Variants in ZNF385D observed in about 807,000 individuals in gnomAD.
The protein encoded by ZNF385D is zinc finger protein 659.
A neutral mutation model predicts 35.8 loss-of-function variants in ZNF385D; 15 were observed. The observed-to-expected ratio is 0.42, with a 90% CI of 0.28 to 0.64. ZNF385D has a LOEUF of 0.64. Among genes scored for constraint, ZNF385D ranks in the 30% least tolerant of loss-of-function variants. The pLI, the probability that ZNF385D is intolerant of heterozygous loss-of-function variation, is 0.23. For missense variants in ZNF385D, 474 were observed against 494.6 expected (o/e 0.96, Z 0.39); for synonymous variants, 212 against 186.8 (o/e 1.13, Z -1.10).
At chr3:21,758,813 G>A (rs1416393578) in intron 3 of ZNF385D, among the ~76,000 whole-genome samples, 1 of 151,480 alleles carries the variant, frequency 6.6e-6, no homozygotes. Flanking sequence ...AGTTTTGTAT[G>A]AGGCAGAGGC....
At chr3:22,186,162 G>A (rs1284644973) in intron 2 of ZNF385D, among the ~76,000 whole-genome samples, 1 of 152,056 alleles carries the variant, frequency 6.6e-6, no homozygotes, top group Non-Finnish European at 1.5e-5. Flanking sequence ...AGAAAGTGAG[G>A]TTTTTCTTTA....
At chr3:22,327,402 C>CT (rs1479710278) in intron 2 of ZNF385D, among the ~76,000 whole-genome samples, 1 of 152,192 alleles carries the variant, frequency 6.6e-6, no homozygotes, top group Non-Finnish European at 1.5e-5. Flanking sequence ...GTCCTACACT[C>CT]TAAGTTCCAT....
intron 2 of ZNF385D, among the ~76,000 whole-genome samples, chr3:22,291,067 T>C (rs1702278070): frequency 6.6e-6 from 1 of 152,082 alleles, no homozygotes; most frequent in Non-Finnish European, 1.5e-5. Flanking sequence ...AAAGGCTCCA[T>C]CTAAAATACC....
intron 2 of ZNF385D, among the ~76,000 whole-genome samples, chr3:21,629,020 A>G (rs894356951): frequency 1.3e-5 from 2 of 152,042 alleles, no homozygotes; most frequent in Admixed American, 6.6e-5. Context: ...CCCTCTGGCA[A>G]CCAATACTGA....
rs1463585339 is a variant in ZNF385D at position 21,983,163 on chromosome 3, T to A, written c.325+185654A>T. Among the ~76,000 whole-genome samples, 24 of 63,456 alleles carry A rather than the reference T, an allele frequency of 3.8e-4. No homozygotes were observed. In the African/African-American group the frequency reaches 3.8e-3, roughly 10 times the overall value. The allele number at this position is 63,456 out of a possible 152,430, so 41.6% of individuals were successfully genotyped here. A position where few individuals can be genotyped will look rare whatever the true frequency, so the allele number is the denominator to read the frequency against. ...TTTTTTATTTTATTTTATTTTATTT[T>A]ATTATTTTTTTTTATTATACTTTAA... is the stretch of plus-strand genomic sequence containing the variant. On this transcript the variant is annotated intron_variant, in intron 3 of 5. Coordinates refer to the ZNF385D transcript ENST00000494108.
chr3:22,218,366 A>G (rs960143935), intron 2 of ZNF385D, among the ~76,000 whole-genome samples: 34 of 152,138 alleles, frequency 2.2e-4, no homozygotes, highest in African/African-American at 8.2e-4. Flanking sequence ...AAACAGAAAT[A>G]CAATTGACTT....
intron 2 of ZNF385D, among the ~76,000 whole-genome samples, chr3:22,343,162 T>C (rs1695499605): frequency 6.6e-6 from 1 of 152,238 alleles, no homozygotes; most frequent in African/African-American, 2.4e-5. Context: ...CATGTTAAAA[T>C]GTATATAGAT....
At chr3:21,743,534 G>C (rs1259960939) in intron 1 of ZNF385D, among the ~76,000 whole-genome samples, 1 of 152,228 alleles carries the variant, frequency 6.6e-6, no homozygotes, top group Non-Finnish European at 1.5e-5. Flanking sequence ...CGTAGGCCTG[G>C]TTTGGTTTTG....
intron 3 of ZNF385D, among the ~76,000 whole-genome samples, chr3:21,890,185 A>G (rs1208740323): frequency 6.6e-6 from 1 of 152,230 alleles, no homozygotes; most frequent in East Asian, 1.9e-4. Context: ...TGCAGGTTAT[A>G]TAAGCAAGAG....
At chr3:22,210,923 T>C (rs758816861) in intron 2 of ZNF385D, among the ~76,000 whole-genome samples, 25 of 151,946 alleles carry the variant, frequency 1.6e-4, no homozygotes, top group Non-Finnish European at 3.4e-4. Flanking sequence ...TATACATCCA[T>C]AAACATAATA....
At chr3:21,803,243 A>G (rs1263853084) in intron 3 of ZNF385D, among the ~76,000 whole-genome samples, 1 of 152,138 alleles carries the variant, frequency 6.6e-6, no homozygotes, top group East Asian at 1.9e-4. Flanking sequence ...GAATCAAAGC[A>G]CAAAAGATAA....
chr3:22,119,340 A>T (rs957460614), intron 3 of ZNF385D, among the ~76,000 whole-genome samples: 22 of 152,198 alleles, frequency 1.4e-4, no homozygotes, highest in Non-Finnish European at 3.1e-4. Context: ...CAAATCTGTA[A>T]AATCATATCT....
chr3:21,943,318 G>T (rs988117788), intron 3 of ZNF385D, among the ~76,000 whole-genome samples: 1 of 151,008 alleles, frequency 6.6e-6, no homozygotes, highest in Non-Finnish European at 1.5e-5. Flanking sequence ...GTATATATAT[G>T]TATATATATA....
intron 4 of ZNF385D, among the ~76,000 whole-genome samples, chr3:21,446,735 C>A (rs186501720): frequency 6.6e-6 from 1 of 152,004 alleles, no homozygotes; most frequent in Admixed American, 6.6e-5. Context: ...TCAGGTGATC[C>A]GCCCTCCTCA....
At chr3:21,721,022 T>G (rs2125448149) in intron 1 of ZNF385D, among the ~76,000 whole-genome samples, 1 of 152,310 alleles carries the variant, frequency 6.6e-6, no homozygotes, top group South Asian at 2.1e-4. Flanking sequence ...TATTTAATTT[T>G]TAAAAAACAT....
chr3:21,794,126 C>T (rs569990716), intron 3 of ZNF385D, among the ~76,000 whole-genome samples: 8 of 152,208 alleles, frequency 5.3e-5, no homozygotes, highest in East Asian at 1.9e-4. Flanking sequence ...GCCTTATGTG[C>T]GTAGCAAAAT....
intron 3 of ZNF385D, among the ~76,000 whole-genome samples, chr3:22,142,072 A>C (rs1033245258): frequency 2.0e-5 from 3 of 152,218 alleles, no homozygotes; most frequent in Admixed American, 2.0e-4. Context: ...CATGAGAAGA[A>C]GACTGTAATT....
intron 4 of ZNF385D, among the ~76,000 whole-genome samples, chr3:21,469,186 C>T (rs1328289750): frequency 6.6e-6 from 1 of 152,122 alleles, no homozygotes; most frequent in Non-Finnish European, 1.5e-5. Context: ...TATGCCTCAA[C>T]AAAACAGTAA....
At chr3:22,327,269 T>C (rs1694722279) in intron 2 of ZNF385D, among the ~76,000 whole-genome samples, 3 of 152,100 alleles carry the variant, frequency 2.0e-5, no homozygotes, top group Admixed American at 1.3e-4. Flanking sequence ...TAAATAAAAC[T>C]TTACCTCCAA....
Sources: gnomAD v4.1 joint callset for allele counts (sites outside exome capture counted in the v4.1 genomes callset) on GRCh38, gnomAD v4.1.1 for gene constraint, MANE v1.5 for transcripts, NCBI Gene and HGNC (gene_info 2026-07-23, HGNC 2026-07-21) for gene names.